The following ZSCAN5A variants were observed in gnomAD, a reference collection of about 807,000 sequenced individuals.
ZSCAN5A encodes the protein zinc finger and SCAN domain containing 5A, also known as zinc finger and SCAN domain-containing protein 5A.
Under a neutral mutation model 23.7 loss-of-function variants are expected in ZSCAN5A, and 12 were observed. The ratio of observed to expected loss-of-function variants is 0.51; its 90% CI spans 0.32 to 0.82. The LOEUF (loss-of-function observed/expected upper bound fraction) is 0.82, where lower values mean the gene tolerates loss of function less well. Among genes scored for constraint, ZSCAN5A ranks in the 40% least tolerant of loss-of-function variants. ZSCAN5A has a pLI of 0.03. For missense variants in ZSCAN5A, 597 were observed against 617.9 expected (o/e 0.97, Z 0.36); for synonymous variants, 257 against 239.9 (o/e 1.07, Z -0.66).
chr19:56,275,944 T>C (rs1301667739), intron 2 of ZSCAN5A, among the ~76,000 whole-genome samples: 4 of 152,336 alleles, frequency 2.6e-5, no homozygotes, highest in African/African-American at 9.6e-5. Flanking sequence ...AGTAGCTTTA[T>C]TGATAGCAGT....
At chr19:56,297,957 C>T (rs1184299423) in intron 2 of ZSCAN5A, 1 of 151,966 alleles carries the variant, frequency 6.6e-6, no homozygotes, top group Non-Finnish European at 1.5e-5. Flanking sequence ...CACCTGTGGT[C>T]CCAGCTACCC....
chr19:56,245,988 G>A (rs1013404473), intron 2 of ZSCAN5A, among the ~76,000 whole-genome samples: 3 of 152,116 alleles, frequency 2.0e-5, no homozygotes, highest in African/African-American at 7.2e-5. Context: ...CAGGGGTTAG[G>A]GGCCTCCACC....
At chr19:56,358,157 A>C (rs535035863) in intron 2 of ZSCAN5A, among the ~76,000 whole-genome samples, 2 of 148,976 alleles carry the variant, frequency 1.3e-5, no homozygotes, top group Non-Finnish European at 3.0e-5. Flanking sequence ...ATCTCTCTCT[A>C]TCTCACAGGC....
Position 56,288,131 on chromosome 19 carries a change from G to C in ZSCAN5A, c.-128+25152C>G, listed in dbSNP as rs375321373. Among the ~76,000 whole-genome samples the C allele has an allele frequency of 3.3e-5, 5 of 152,324 alleles. No homozygotes were observed. In the East Asian group the frequency reaches 9.7e-4, roughly 29 times the overall value. ...CCCAAATGGGTCCATGGTGTCCGCT[G>C]TTCTTAGGATGAAGGCTGAGGCCCT... On this transcript the variant is annotated intron_variant, in intron 2 of 5. Transcript: ENST00000683990.
chr19:56,293,342 G>C (rs566242742), intron 2 of ZSCAN5A, among the ~76,000 whole-genome samples: 1 of 152,230 alleles, frequency 6.6e-6, no homozygotes. Context: ...CTTAAGCCCA[G>C]TCTGGATCCC....
intron 2 of ZSCAN5A, among the ~76,000 whole-genome samples, chr19:56,339,008 G>A (rs1031409836): frequency 6.6e-5 from 10 of 152,252 alleles, no homozygotes; most frequent in Admixed American, 5.9e-4. Context: ...TCTAAATGGG[G>A]AGAAATACAG....
chr19:56,304,941 G>A (rs185543576), intron 2 of ZSCAN5A: 124 of 280,444 alleles, frequency 4.4e-4, no homozygotes, highest in African/African-American at 2.7e-3. Context: ...TTTGGAAGCT[G>A]CAATCATAGA....
At chr19:56,284,207 G>C (rs773946102) in intron 2 of ZSCAN5A, 44 of 980,968 alleles carry the variant, frequency 4.5e-5, no homozygotes, top group Non-Finnish European at 5.1e-5. Flanking sequence ...GGGATCATAG[G>C]TAAGTACCTT....
At chr19:56,255,112 G>C (rs181905005) in intron 2 of ZSCAN5A, among the ~76,000 whole-genome samples, 1 of 151,830 alleles carries the variant, frequency 6.6e-6, no homozygotes, top group Admixed American at 6.6e-5. Flanking sequence ...TAAATGGCAC[G>C]TTATCAGTTT....
intron 2 of ZSCAN5A, chr19:56,274,958 A>G (rs898892718): frequency 2.0e-5 from 3 of 152,106 alleles, no homozygotes; most frequent in Non-Finnish European, 2.9e-5. Flanking sequence ...ATTTCTCTCA[A>G]TTTGGGTTTG....
rs1210056718 is a variant in ZSCAN5A, at chr19:56,228,598, T to TA, written c.-127-3426dup. ...TTGGGTCCCCTCATGCCACAGACAG[T>TA]AATATCCTAACAAGTAAAGAACATG... On this transcript the variant is annotated intron_variant, in intron 2 of 5. Coordinates refer to ENST00000683990, the MANE Select transcript of ZSCAN5A (RefSeq NM_001322064.3). 2.0e-5 allele frequency among the ~76,000 whole-genome samples: 3 copies of TA among 152,158 alleles called. No homozygotes were observed. The East Asian group carries it at 5.8e-4, about 29-fold the overall frequency.
intron 2 of ZSCAN5A, among the ~76,000 whole-genome samples, chr19:56,292,610 T>C (rs76679007): frequency 0.01 from 1,556 of 152,208 alleles, 35 homozygotes; most frequent in African/African-American, 0.036. Flanking sequence ...AGTGTGCGAT[T>C]TAGTGGCCCT....
Position 56,243,504 on chromosome 19 carries a change from T to C in ZSCAN5A, c.-127-18331A>G, listed in dbSNP as rs149322380. Reference sequence around the variant, plus strand: ...ACAAGAAAAGGTGTTGGGGGACAACTGTAGGTTGTAACTATTTTTCTCTAT... The same window carrying C: ...ACAAGAAAAGGTGTTGGGGGACAACCGTAGGTTGTAACTATTTTTCTCTAT... On this transcript the variant is annotated intron_variant, in intron 2 of 5. Transcript: ENST00000683990. Among the ~76,000 whole-genome samples the C allele has an allele frequency of 3.4e-3, 517 of 152,312 alleles. 3 individuals are homozygous for C. The highest frequency in any genetic ancestry group is 0.011 in the African/African-American group (478 of 41,572).
intron 2 of ZSCAN5A, among the ~76,000 whole-genome samples, chr19:56,237,459 G>A (rs1187363001): frequency 2.0e-5 from 3 of 152,186 alleles, no homozygotes; most frequent in Non-Finnish European, 4.4e-5. Context: ...GGGAAGGTAC[G>A]TGTTCAGGGC....
At position 56,344,909 on chromosome 19, in the gene ZSCAN5A, C is replaced by CAAAA. The variant is rs1019131536; in HGVS notation, c.-358+18322_-358+18325dup. Among the ~76,000 whole-genome samples the CAAAA allele has an allele frequency of 6.1e-3, 116 of 18,906 alleles. 2 individuals carry two copies. The highest frequency in any genetic ancestry group is 0.015 in the African/African-American group (84 of 5,698). The allele number at this position is 18,906 out of a possible 152,430, so 12.4% of individuals were successfully genotyped here. The stretch of plus-strand genomic sequence containing the variant: ...TGGGCGACAGAGCGAGACTCCGTCT[C>CAAAA]AAAAAAAAAAAAAAAAAAAAAAAAA... On this transcript the variant is annotated intron_variant, in intron 2 of 6. Coordinates refer to the ZSCAN5A transcript ENST00000587340.
intron 2 of ZSCAN5A, among the ~76,000 whole-genome samples, chr19:56,356,372 A>C (rs1167867615): frequency 6.7e-6 from 1 of 148,658 alleles, no homozygotes; most frequent in Non-Finnish European, 1.5e-5. Context: ...CATGTCTTAC[A>C]TCCTTGGGAA....
chr19:56,284,341 C>A, intron 2 of ZSCAN5A: 1 of 215,552 alleles, frequency 4.6e-6, no homozygotes, highest in Non-Finnish European at 7.9e-6. Flanking sequence ...AAATATGGTG[C>A]AAGGATTTTG....
At chr19:56,258,253 G>A (rs1429747451) in intron 2 of ZSCAN5A, among the ~76,000 whole-genome samples, 1 of 152,248 alleles carries the variant, frequency 6.6e-6, no homozygotes, top group Non-Finnish European at 1.5e-5. Flanking sequence ...TCTTCTGTGA[G>A]CCTTTTCTGG....
At chr19:56,337,457 C>T (rs1261361212) in intron 2 of ZSCAN5A, among the ~76,000 whole-genome samples, 1 of 152,300 alleles carries the variant, frequency 6.6e-6, no homozygotes, top group Non-Finnish European at 1.5e-5. Flanking sequence ...GTGGGAGTGA[C>T]CCGATTTTCC....
Sources: allele counts gnomAD v4.1 joint callset (sites outside exome capture counted in the v4.1 genomes callset), GRCh38; gene constraint gnomAD v4.1.1; transcripts MANE v1.5; gene names NCBI Gene and HGNC (gene_info 2026-07-23, HGNC 2026-07-21).